Variants in NOS1 observed in about 807,000 individuals in gnomAD.
NOS1 encodes NOS type I.
NOS1 carries 51 observed loss-of-function variants against 164.5 expected under a neutral mutation model. That is an observed-to-expected ratio of 0.31 (90% CI 0.25 to 0.39). The LOEUF (loss-of-function observed/expected upper bound fraction) is 0.39, where lower values mean the gene tolerates loss of function less well. Among genes scored for constraint, NOS1 ranks in the 10% least tolerant of loss-of-function variants. NOS1 has a pLI of 1.00. For missense variants in NOS1, 1,362 were observed against 1,885.6 expected (o/e 0.72, Z 5.14); for synonymous variants, 719 against 745.8 (o/e 0.96, Z 0.59).
intron 2 of NOS1, among the ~76,000 whole-genome samples, chr12:117,324,121 C>A (rs1460440689): frequency 5.3e-5 from 8 of 152,074 alleles, no homozygotes; most frequent in Admixed American, 5.2e-4. Flanking sequence ...TAGGTAGAAC[C>A]AGGAGAGCAT....
intron 1 of NOS1, among the ~76,000 whole-genome samples, chr12:117,333,532 G>T (rs1287066742): frequency 6.6e-6 from 1 of 152,146 alleles, no homozygotes; most frequent in African/African-American, 2.4e-5. Context: ...CCCCTCAATG[G>T]GGGGGTGTGT....
Position 117,330,974 on chromosome 12 carries a change from C to T in NOS1, c.96G>A (p.Val32=). Residue 32 remains valine, a synonymous_variant, in exon 2 of 29, where the codon GTG becomes GTA. Coordinates refer to ENST00000317775, the MANE Select transcript of NOS1 (RefSeq NM_000620.5). The surrounding 1 kb of genome is among the most constrained non-coding windows in gnomAD (Gnocchi z 4.6). ...KRKVGGLGFL[V]KERVSKPPVI... is the part of the protein sequence containing the mutation. Reference sequence around the variant, plus strand: ...CGGGCGGCTTACTGACCCGCTCCTTCACCAGAAATCCCAGGCCCCCAACTT... The same window carrying T: ...CGGGCGGCTTACTGACCCGCTCCTTTACCAGAAATCCCAGGCCCCCAACTT... The T allele has an allele frequency of 6.2e-7, 1 of 1,614,196 alleles. No individual in the cohort carries two copies. Among genetic ancestry groups the T allele is most frequent in the Non-Finnish European group, 8.5e-7 (1 of 1,180,032 alleles).
chr12:117,208,727 GC>G lies in NOS1; in HGVS notation c.*6581del. The stretch of plus-strand genomic sequence containing the variant: ...CCATCCTCTGTTCTGGCATGGGAGG[GC>G]TTTTTTTTTTTTTTCCACAGGGTCT... On this transcript the variant is annotated 3_prime_UTR_variant, in exon 29 of 29. Transcript: ENST00000317775. 1 of 964,994 alleles carries G rather than the reference GC, an allele frequency of 1.0e-6. No individual in the cohort carries two copies. The highest frequency in any genetic ancestry group is 1.2e-6 in the Non-Finnish European group (1 of 839,484). 59.8% of individuals were successfully genotyped at this position (964,994 alleles called of 1,614,324 possible).
In NOS1 at chr12:117,231,828, A is replaced by G. The variant is rs1006466261; in HGVS notation, c.3405+134T>C. The G allele has an allele frequency of 8.4e-6, 8 of 953,502 alleles. No homozygotes were observed. In the African/African-American group the frequency reaches 1.3e-4, roughly 16 times the overall value. The allele number at this position is 953,502 out of a possible 1,614,324, so 59.1% of individuals were successfully genotyped here. ...GCCACGTTGGACCAGCCAATATGGC[A>G]ATCTACAGCAAATAATGGCCCCCTT... On this transcript the variant is annotated intron_variant, in intron 22 of 28. Transcript: ENST00000317775.
rs943671406 is a variant in NOS1, at chr12:117,215,177, C to T, written c.*132G>A. On this transcript the variant is annotated 3_prime_UTR_variant, in exon 29 of 29. Transcript: ENST00000317775. ...GGAAACCACTGAGGGGCGAGAAGCC[C>T]GAGGAGGGAAACCAGGGCACAGCGA... The T allele has an allele frequency of 4.6e-5, 61 of 1,334,274 alleles. No homozygotes were observed. In the Admixed American group the frequency reaches 5.0e-4, roughly 11 times the overall value. The allele number at this position is 1,334,274 out of a possible 1,614,324, so 82.7% of individuals were successfully genotyped here. A position where few individuals can be genotyped will look rare whatever the true frequency, so the allele number is the denominator to read the frequency against.
At chr12:117,327,047 G>A (rs1322746415) in intron 2 of NOS1, among the ~76,000 whole-genome samples, 1 of 152,192 alleles carries the variant, frequency 6.6e-6, no homozygotes, top group African/African-American at 2.4e-5. Flanking sequence ...AGTTCTGGGG[G>A]TGTGGCTGAA....
chr12:117,271,630 G>A (rs1373918651), intron 10 of NOS1, among the ~76,000 whole-genome samples: 1 of 152,146 alleles, frequency 6.6e-6, no homozygotes, highest in Non-Finnish European at 1.5e-5. Flanking sequence ...TCTAATCTTG[G>A]TTCTGTGCCT....
At position 117,211,139 on chromosome 12, in the gene NOS1, A is replaced by G. The variant is rs1956521116; in HGVS notation, c.*4170T>C. 3 of 655,510 alleles carry G rather than the reference A, an allele frequency of 4.6e-6. No homozygotes were observed. The highest frequency in any genetic ancestry group is 5.7e-6 in the Non-Finnish European group (3 of 529,366). 40.6% of individuals were successfully genotyped at this position (655,510 alleles called of 1,614,324 possible). A position where few individuals can be genotyped will look rare whatever the true frequency, so the allele number is the denominator to read the frequency against. On this transcript the variant is annotated 3_prime_UTR_variant, in exon 29 of 29. Coordinates refer to ENST00000317775, the MANE Select transcript of NOS1 (RefSeq NM_000620.5). Reference sequence around the variant, plus strand: ...GCCCAGCTAATTTTTGTATTTTCTTAGTAGAGTCAGGGTTTCTACTAACTG... The same window carrying G: ...GCCCAGCTAATTTTTGTATTTTCTTGGTAGAGTCAGGGTTTCTACTAACTG...
chr12:117,332,167 G>A (rs1486997040), intron 1 of NOS1, among the ~76,000 whole-genome samples: 2 of 152,214 alleles, frequency 1.3e-5, no homozygotes, highest in Admixed American at 1.3e-4. Context: ...GGGAAACATA[G>A]GAACATTGTA....
intron 3 of NOS1, among the ~76,000 whole-genome samples, chr12:117,299,908 C>T (rs932731041): frequency 6.6e-6 from 1 of 151,820 alleles, no homozygotes; most frequent in African/African-American, 2.4e-5. Context: ...GGTCCCATTA[C>T]CAGACCAGAA....
rs1873322773 is a variant in NOS1 at position 117,277,987 on chromosome 12, C to G, written c.1636G>C (p.Val546Leu). Residue 546 changes from valine to leucine, a missense_variant, in exon 9 of 29, where the codon GTG (valine) becomes CTG (leucine). By Grantham distance (32) the Val-to-Leu change is conservative (BLOSUM62 1). Around this residue, in one of 4 missense-constraint regions of NOS1, gnomAD observed 134 missense variants for 267.3 expected, o/e 0.50. Coordinates refer to ENST00000317775, the MANE Select transcript of NOS1 (RefSeq NM_000620.5). The part of the protein sequence containing the change: ...PELFQIPPEL[V>L]LEVPIRHPKF... ...GGGTGCCTGATGGGAACTTCCAACA[C>G]CAGCTCTGGAGGAATCTGGAAGAGC... The G allele has an allele frequency of 6.2e-7, 1 of 1,612,926 alleles. No individual in the cohort carries two copies. The highest frequency in any genetic ancestry group is 1.3e-5 in the African/African-American group (1 of 74,908).
At chr12:117,316,388 C>T (rs1405981444) in intron 2 of NOS1, among the ~76,000 whole-genome samples, 3 of 152,074 alleles carry the variant, frequency 2.0e-5, no homozygotes, top group African/African-American at 7.2e-5. Context: ...TTGACTCCTC[C>T]CTCTTCCCGA....
intron 1 of NOS1, among the ~76,000 whole-genome samples, chr12:117,357,615 A>T (rs1366096733): frequency 6.6e-6 from 1 of 152,142 alleles, no homozygotes; most frequent in African/African-American, 2.4e-5. Flanking sequence ...AGGGTGACAG[A>T]CAAGAACTGA....
intron 23 of NOS1, 26 bp downstream of exon 23, chr12:117,227,405 G>A (rs759884862): frequency 2.5e-5 from 40 of 1,610,792 alleles, no homozygotes; most frequent in Non-Finnish European, 3.1e-5. Context: ...TGCAGCTGAG[G>A]AGGCTCTCCC....
chr12:117,220,139 C>A lies in NOS1; in HGVS notation c.4106G>T (p.Arg1369Leu), dbSNP rs759876695. The A allele has an allele frequency of 1.2e-6, 2 of 1,613,836 alleles. No individual in the cohort carries two copies. The highest frequency in any genetic ancestry group is 1.7e-6 in the Non-Finnish European group (2 of 1,179,980). ...GAGCTTCCCCTGCTGGGTCATGATG[C>A]GCTGGATGGCTTTGAGGACATCAGC... is the stretch of plus-strand genomic sequence containing the variant. ...MAADVLKAIQ[R>L]IMTQQGKLSA... Residue 1369 changes from arginine to leucine, a missense_variant, in exon 27 of 29, where the codon CGC becomes CTC. Physicochemically the swap from Arg to Leu is moderately radical, Grantham distance 102. Coordinates refer to ENST00000317775, the MANE Select transcript of NOS1 (RefSeq NM_000620.5).
intron 27 of NOS1, among the ~76,000 whole-genome samples, chr12:117,219,135 C>T (rs1405391734): frequency 1.3e-5 from 2 of 151,274 alleles, no homozygotes; most frequent in African/African-American, 2.4e-5. Flanking sequence ...TGCGCCACTA[C>T]GCCCAGCTAA....
At chr12:117,273,814 A>G (rs1233828549) in intron 9 of NOS1, among the ~76,000 whole-genome samples, 2 of 152,160 alleles carry the variant, frequency 1.3e-5, no homozygotes, top group Admixed American at 6.5e-5. Flanking sequence ...ATGTTGATAT[A>G]TTGTTCATCA....
chr12:117,239,259 G>A (rs1386562929), intron 20 of NOS1, among the ~76,000 whole-genome samples: 4 of 152,128 alleles, frequency 2.6e-5, no homozygotes, highest in Non-Finnish European at 5.9e-5. Context: ...CAGACATCCC[G>A]GTGCTGACCT....
At chr12:117,306,630 T>TC (rs1400980748) in intron 3 of NOS1, among the ~76,000 whole-genome samples, 1 of 151,976 alleles carries the variant, frequency 6.6e-6, no homozygotes, top group Admixed American at 6.6e-5. Flanking sequence ...ACTCCTTTTT[T>TC]TTTTTTTCAG....
Sources: allele counts gnomAD v4.1 joint callset (sites outside exome capture counted in the v4.1 genomes callset), GRCh38; gene constraint gnomAD v4.1.1; regional missense constraint gnomAD v4.1.1; non-coding constraint Gnocchi (gnomAD v3.1); transcripts MANE v1.5; gene names NCBI Gene and HGNC (gene_info 2026-07-23, HGNC 2026-07-21).